DLG2: variants seen among roughly 807,000 people sequenced by gnomAD.
The protein encoded by DLG2 is disks large homolog 2.
Under a neutral mutation model 132.5 loss-of-function variants are expected in DLG2, and 45 were observed. The observed-to-expected ratio is 0.34, with a 90% CI of 0.27 to 0.44. DLG2 has a LOEUF of 0.44. DLG2 is among the 20% of genes least tolerant of loss of function. DLG2 has a pLI of 1.00. For synonymous variants in DLG2, 424 were observed against 419.6 expected (o/e 1.01, Z -0.13); for missense variants, 1,045 against 1,196.9 (o/e 0.87, Z 1.87).
rs1267969659 is a variant in DLG2, at chr11:85,571,369, TC to T, written c.40+27287del. 3.9e-5 allele frequency among the ~76,000 whole-genome samples: 6 copies of T among 152,164 alleles called. No homozygotes were observed. In the East Asian group the frequency reaches 9.6e-4, roughly 24 times the overall value. On this transcript the variant is annotated intron_variant, in intron 3 of 27. Transcript: ENST00000376104. ...TTTGTCATGTGTGGCCTCTGAAGTT[TC>T]TTTTCCCTTTGCTTAGTGATCAGCT... is the stretch of plus-strand genomic sequence containing the variant.
intron 7 of DLG2, among the ~76,000 whole-genome samples, chr11:84,318,819 C>T (rs1036240413): frequency 2.0e-5 from 3 of 152,090 alleles, no homozygotes; most frequent in African/African-American, 4.8e-5. Flanking sequence ...ATGTTAATGG[C>T]CATTTTTCTC....
In DLG2 at chr11:83,593,207, C is replaced by T. The variant is rs1317765317; in HGVS notation, c.1940+40004G>A. Among the ~76,000 whole-genome samples the T allele has an allele frequency of 1.6e-4, 23 of 147,154 alleles. 1 individual carries two copies. Among genetic ancestry groups the T allele is most frequent in the Admixed American group, 8.2e-4 (12 of 14,616 alleles). ...GACACATGCACACGTATGTTTATTG[C>T]GGCATTATTCACAATAGCAAAGACT... On this transcript the variant is annotated intron_variant, in intron 19 of 27. Coordinates refer to ENST00000376104, the MANE Select transcript of DLG2 (RefSeq NM_001142699.3).
chr11:83,457,028 C>A lies in DLG2; in HGVS notation c.*2790G>T, dbSNP rs1051689536. The A allele has an allele frequency of 6.6e-6, 1 of 152,606 alleles. No individual in the cohort carries two copies. Among genetic ancestry groups the A allele is most frequent in the African/African-American group, 2.4e-5 (1 of 41,432 alleles). 9.5% of individuals were successfully genotyped at this position (152,606 alleles called of 1,614,324 possible). On this transcript the variant is annotated 3_prime_UTR_variant, in exon 28 of 28. Transcript: ENST00000376104. ...ATTTTGATTTTGGTAAAGCTGAGAC[C>A]CCCGTGGTGCTACACATTGTACCAG...
chr11:84,525,493 AT>A (rs2099317574), intron 7 of DLG2, among the ~76,000 whole-genome samples: 1 of 152,116 alleles, frequency 6.6e-6, no homozygotes, highest in African/African-American at 2.4e-5. Flanking sequence ...CTCTTTTTAA[AT>A]AAGCCTTCTA....
At chr11:84,669,061 A>G (rs1207242682) in intron 6 of DLG2, among the ~76,000 whole-genome samples, 1 of 152,126 alleles carries the variant, frequency 6.6e-6, no homozygotes, top group South Asian at 2.1e-4. Flanking sequence ...ATAACACAGG[A>G]TATGGGACAG....
intron 3 of DLG2, among the ~76,000 whole-genome samples, chr11:85,431,177 A>G (rs2091157595): frequency 6.6e-6 from 1 of 152,170 alleles, no homozygotes; most frequent in African/African-American, 2.4e-5. Flanking sequence ...GAGTGTTTCA[A>G]AACGGCATGT....
intron 16 of DLG2, among the ~76,000 whole-genome samples, chr11:83,853,985 G>C (rs1303629064): frequency 6.6e-6 from 1 of 152,028 alleles, no homozygotes; most frequent in Admixed American, 6.6e-5. Flanking sequence ...TAAAATCCAA[G>C]ATAACTGCCA....
chr11:83,822,472 G>C (rs965268634), intron 17 of DLG2, among the ~76,000 whole-genome samples: 2 of 152,114 alleles, frequency 1.3e-5, no homozygotes, highest in Non-Finnish European at 2.9e-5. Context: ...AGACAGGAAG[G>C]AGGCACAGCC....
At chr11:84,924,325 A>G (rs1419774396) in intron 6 of DLG2, among the ~76,000 whole-genome samples, 3 of 152,180 alleles carry the variant, frequency 2.0e-5, no homozygotes, top group Non-Finnish European at 4.4e-5. Flanking sequence ...TGCAGCAAAA[A>G]TAGTGGGAGG....
intron 3 of DLG2, among the ~76,000 whole-genome samples, chr11:85,533,871 A>G (rs991520437): frequency 6.6e-6 from 1 of 152,258 alleles, no homozygotes; most frequent in Admixed American, 6.5e-5. Flanking sequence ...AAGCTAAAGA[A>G]TAAGATTAGC....
At chr11:84,876,635 T>C (rs1051886815) in intron 6 of DLG2, among the ~76,000 whole-genome samples, 2 of 152,208 alleles carry the variant, frequency 1.3e-5, no homozygotes, top group South Asian at 4.1e-4. Context: ...AAAAAACAGC[T>C]CCTGGATTCA....
intron 6 of DLG2, among the ~76,000 whole-genome samples, chr11:84,953,603 T>C (rs1009959528): frequency 1.3e-5 from 2 of 152,144 alleles, no homozygotes; most frequent in African/African-American, 2.4e-5. Context: ...AAAATACTTA[T>C]CTCTAATTTG....
chr11:84,328,901 T>C (rs2098445878), intron 7 of DLG2, among the ~76,000 whole-genome samples: 2 of 152,350 alleles, frequency 1.3e-5, no homozygotes, highest in Middle Eastern at 3.4e-3. Context: ...CTTTTGTATT[T>C]ATGCATTTTA....
At chr11:85,561,254 C>G (rs930446989) in intron 3 of DLG2, among the ~76,000 whole-genome samples, 15 of 140,336 alleles carry the variant, frequency 1.1e-4, no homozygotes, top group Admixed American at 6.9e-4. Context: ...ATCTCTTGAG[C>G]CCAGGAGTTC....
intron 6 of DLG2, chr11:84,936,552 A>T (rs1429020044): frequency 6.6e-6 from 1 of 152,148 alleles, no homozygotes; most frequent in Non-Finnish European, 1.5e-5. Context: ...TATATGTGCA[A>T]TATAATACAA....
intron 6 of DLG2, among the ~76,000 whole-genome samples, chr11:84,920,144 G>T (rs186691122): frequency 7.2e-4 from 109 of 152,278 alleles, no homozygotes; most frequent in African/African-American, 2.6e-3. Context: ...TTTACAAAGT[G>T]TTAGATTGTG....
rs369063984 is a variant in DLG2, at chr11:84,290,066, G to A, written c.520-38775C>T. On this transcript the variant is annotated intron_variant, in intron 7 of 27. Transcript: ENST00000376104. Reference sequence around the variant, plus strand: ...TCTAGCCTATTATAAAGCAGTCCTCGGTAAAGGCTGAGTATCTATAGCGCT... The same window carrying A: ...TCTAGCCTATTATAAAGCAGTCCTCAGTAAAGGCTGAGTATCTATAGCGCT... Among the ~76,000 whole-genome samples, 105 of 152,106 alleles carry A rather than the reference G, an allele frequency of 6.9e-4. 1 individual carries two copies. In the South Asian group the frequency reaches 0.013, roughly 19 times the overall value.
At chr11:83,804,265 G>A (rs1170237411) in intron 17 of DLG2, among the ~76,000 whole-genome samples, 2 of 152,018 alleles carry the variant, frequency 1.3e-5, no homozygotes, top group Non-Finnish European at 2.9e-5. Context: ...AATAAACAGA[G>A]ATGCATGAAA....
intron 6 of DLG2, among the ~76,000 whole-genome samples, chr11:85,028,137 G>A (rs963123976): frequency 5.3e-5 from 8 of 152,264 alleles, no homozygotes; most frequent in Non-Finnish European, 1.2e-4. Context: ...GATCTGCAGT[G>A]GGTGGCTCCT....
Sources: gnomAD v4.1 joint callset for allele counts (sites outside exome capture counted in the v4.1 genomes callset) on GRCh38, gnomAD v4.1.1 for gene constraint, MANE v1.5 for transcripts, NCBI Gene and HGNC (gene_info 2026-07-23, HGNC 2026-07-21) for gene names.